LEPR: variants seen among roughly 807,000 people sequenced by gnomAD.
The protein encoded by LEPR is leptin receptor.
A neutral mutation model predicts 114.7 loss-of-function variants in LEPR; 56 were observed. The ratio of observed to expected loss-of-function variants is 0.49; its 90% CI spans 0.39 to 0.61. The LOEUF (loss-of-function observed/expected upper bound fraction) is 0.61, where lower values mean the gene tolerates loss of function less well. Ranked by LOEUF, LEPR falls within the 20% of genes least tolerant of loss-of-function variation. The probability of loss-of-function intolerance (pLI) is 0.00; values close to 1 mark genes in which losing one functional copy is unlikely to be tolerated. For synonymous variants in LEPR, 443 were observed against 461.4 expected (o/e 0.96, Z 0.51); for missense variants, 1,202 against 1,352.9 (o/e 0.89, Z 1.75).
At chr1:65,454,438 G>T (rs572145822) in intron 2 of LEPR, among the ~76,000 whole-genome samples, 184 of 152,134 alleles carry the variant, frequency 1.2e-3, no homozygotes, top group African/African-American at 4.1e-3. Context: ...TCCTTTCCAT[G>T]TTTAGCGCTT....
intron 5 of LEPR, among the ~76,000 whole-genome samples, chr1:65,580,653 A>G (rs1202723228): frequency 6.6e-6 from 1 of 152,202 alleles, no homozygotes; most frequent in African/African-American, 2.4e-5. Context: ...GGAGCTGAGC[A>G]TGGGGAACAA....
chr1:65,499,901 A>G (rs1480558023), intron 2 of LEPR, among the ~76,000 whole-genome samples: 1 of 152,090 alleles, frequency 6.6e-6, no homozygotes, highest in Non-Finnish European at 1.5e-5. Context: ...AAGGACATCC[A>G]TGTTCTGACC....
At chr1:65,463,817 C>T (rs1489983398) in intron 2 of LEPR, among the ~76,000 whole-genome samples, 5 of 152,036 alleles carry the variant, frequency 3.3e-5, no homozygotes, top group East Asian at 1.9e-4. Context: ...TGATTTGGCT[C>T]TCTGTGTGTC....
At chr1:65,495,401 G>T (rs975977375) in intron 2 of LEPR, among the ~76,000 whole-genome samples, 2 of 152,152 alleles carry the variant, frequency 1.3e-5, no homozygotes, top group Non-Finnish European at 2.9e-5. Context: ...AAGGCAACAA[G>T]GTTTGGTAAC....
intron 2 of LEPR, among the ~76,000 whole-genome samples, chr1:65,446,564 C>T (rs2100303640): frequency 6.6e-6 from 1 of 152,196 alleles, no homozygotes; most frequent in South Asian, 2.1e-4. Flanking sequence ...TATTTATAAT[C>T]TTTCTATCTT....
In LEPR at chr1:65,604,131, TTCTGTC is replaced by T; in HGVS notation, c.1404-903_1404-898del. On this transcript the variant is annotated intron_variant, in intron 10 of 19. Coordinates refer to ENST00000349533, the MANE Select transcript of LEPR (RefSeq NM_002303.6). The stretch of plus-strand genomic sequence containing the variant: ...TGTTTAATTTTCAAATTATTGTAGG[TTCTGTC>T]TCTAACTGGATCATTTTCTTCTTTT... Among the ~76,000 whole-genome samples, 3 of 152,218 alleles carry T rather than the reference TTCTGTC, an allele frequency of 2.0e-5. No individual in the cohort carries two copies. In the South Asian group the frequency reaches 6.2e-4, roughly 32 times the overall value.
chr1:65,525,512 A>T, intron 2 of LEPR: 3 of 524,652 alleles, frequency 5.7e-6, no homozygotes, highest in Non-Finnish European at 7.3e-6. Context: ...CACCTGCGCG[A>T]CCGCCCTAGC....
intron 6 of LEPR, 21 bp downstream of exon 6, chr1:65,592,886 A>T: frequency 6.2e-7 from 1 of 1,611,476 alleles, no homozygotes; most frequent in Non-Finnish European, 8.5e-7. Flanking sequence ...CACTAAAATG[A>T]TGATAATAGG....
intron 2 of LEPR, among the ~76,000 whole-genome samples, chr1:65,453,429 T>G (rs1237608246): frequency 2.0e-5 from 3 of 152,152 alleles, no homozygotes; most frequent in Non-Finnish European, 4.4e-5. Flanking sequence ...TGCTATACAT[T>G]TCCCTCGACG....
chr1:65,421,041 T>A (rs553418853), intron 1 of LEPR, among the ~76,000 whole-genome samples: 1 of 152,298 alleles, frequency 6.6e-6, no homozygotes, highest in Admixed American at 6.5e-5. Flanking sequence ...TCTCCTGAGT[T>A]TTTAAACAAG....
chr1:65,427,169 C>G (rs1386331975), intron 2 of LEPR, among the ~76,000 whole-genome samples: 1 of 152,168 alleles, frequency 6.6e-6, no homozygotes, highest in Non-Finnish European at 1.5e-5. Flanking sequence ...AGAGCCTTCA[C>G]AGCAATTACT....
chr1:65,434,387 A>G (rs1646529755), intron 2 of LEPR: 1 of 985,304 alleles, frequency 1.0e-6, no homozygotes, highest in African/African-American at 1.7e-5. Context: ...GAAAACTGAG[A>G]TTGCACTTCC....
intron 2 of LEPR, among the ~76,000 whole-genome samples, chr1:65,552,672 T>G (rs900137107): frequency 2.0e-5 from 3 of 152,208 alleles, no homozygotes; most frequent in African/African-American, 7.2e-5. Context: ...TTTTTCCAAT[T>G]TGGCAGTCTG....
Position 65,571,755 on chromosome 1 carries a change from A to G in LEPR, c.371-571A>G, listed in dbSNP as rs147382588. ...GATCACTTGAGCTCAGGAGTTAGAG[A>G]CCAGCCTGGGCAACATAATGAAACC... On this transcript the variant is annotated intron_variant, in intron 4 of 19. Coordinates refer to ENST00000349533, the MANE Select transcript of LEPR (RefSeq NM_002303.6). Among the ~76,000 whole-genome samples, 505 of 141,182 alleles carry G rather than the reference A, an allele frequency of 3.6e-3. 4 individuals carry two copies. The highest frequency in any genetic ancestry group is 0.013 in the African/African-American group (483 of 38,180). 92.6% of individuals were successfully genotyped at this position (141,182 alleles called of 152,430 possible).
At chr1:65,563,571 A>G (rs1570701498) in intron 2 of LEPR, among the ~76,000 whole-genome samples, 1 of 96,654 alleles carries the variant, frequency 1.0e-5, no homozygotes, top group East Asian at 2.4e-4. Flanking sequence ...GTCATTCTCC[A>G]TCCAGCTTTG....
intron 2 of LEPR, among the ~76,000 whole-genome samples, chr1:65,482,123 TAC>T (rs141690381): frequency 1.3e-4 from 19 of 149,444 alleles, no homozygotes; most frequent in East Asian, 2.0e-4. Flanking sequence ...ATTTTACACA[TAC>T]ACACACACAC....
At chr1:65,428,972 T>G (rs1047170066) in intron 2 of LEPR, among the ~76,000 whole-genome samples, 1 of 152,204 alleles carries the variant, frequency 6.6e-6, no homozygotes, top group Non-Finnish European at 1.5e-5. Flanking sequence ...ATATTTATTT[T>G]CATGCCTTCC....
intron 2 of LEPR, among the ~76,000 whole-genome samples, chr1:65,430,550 C>T (rs1646466363): frequency 1.3e-5 from 2 of 152,182 alleles, no homozygotes; most frequent in East Asian, 3.9e-4. Flanking sequence ...CTTCAGAGTA[C>T]ACATTGTAGG....
In LEPR at chr1:65,618,168, A is replaced by T. The variant is rs1370877891; in HGVS notation, c.2395+22A>T. 5.0e-6 allele frequency: 8 copies of T among 1,591,058 alleles called. No individual in the cohort carries two copies. In the Admixed American group the frequency reaches 5.0e-5, roughly 10 times the overall value. On this transcript the variant is annotated intron_variant, in intron 16 of 19. Transcript: ENST00000349533. Reference sequence around the variant, plus strand: ...CATGGTAAGTTTACTATACTTTAGTAAGTTGCTCTCATGGATTAATATGAC... The same window carrying T: ...CATGGTAAGTTTACTATACTTTAGTTAGTTGCTCTCATGGATTAATATGAC...
Sources: gnomAD v4.1 joint callset for allele counts (sites outside exome capture counted in the v4.1 genomes callset) on GRCh38, gnomAD v4.1.1 for gene constraint, MANE v1.5 for transcripts, NCBI Gene and HGNC (gene_info 2026-07-23, HGNC 2026-07-21) for gene names.